Variants in NECTIN1 observed in about 807,000 individuals in gnomAD.
The protein encoded by NECTIN1 is nectin-1.
In NECTIN1, 23 loss-of-function variants were observed where a neutral mutation model predicts 48.0. The ratio of observed to expected loss-of-function variants is 0.48; its 90% CI spans 0.34 to 0.68. NECTIN1 has a LOEUF of 0.68. NECTIN1 is among the 30% of genes least tolerant of loss of function. The probability of loss-of-function intolerance (pLI) is 0.01; values close to 1 mark genes in which losing one functional copy is unlikely to be tolerated. For missense variants in NECTIN1, 591 were observed against 709.9 expected (o/e 0.83, Z 1.90); for synonymous variants, 270 against 288.9 (o/e 0.93, Z 0.66).
At chr11:119,645,302 G>C (rs933757437) in intron 5 of NECTIN1, among the ~76,000 whole-genome samples, 14 of 152,192 alleles carry the variant, frequency 9.2e-5, no homozygotes, top group Non-Finnish European at 1.5e-5. Context: ...AAGGGCTGGA[G>C]GCAAGTCTTC....
At chr11:119,646,369 A>G (rs1209403663) in intron 5 of NECTIN1, among the ~76,000 whole-genome samples, 1 of 152,104 alleles carries the variant, frequency 6.6e-6, no homozygotes, top group East Asian at 1.9e-4. Context: ...CGTGGTTGCT[A>G]TTTTTGTTAT....
chr11:119,647,628 A>G (rs886951239), intron 5 of NECTIN1, among the ~76,000 whole-genome samples: 2 of 151,828 alleles, frequency 1.3e-5, no homozygotes, highest in Non-Finnish European at 2.9e-5. Flanking sequence ...TGCTTCTCAC[A>G]AAGATCTTCC....
At chr11:119,646,883 G>T (rs1039266245) in intron 5 of NECTIN1, among the ~76,000 whole-genome samples, 1 of 152,236 alleles carries the variant, frequency 6.6e-6, no homozygotes, top group Non-Finnish European at 1.5e-5. Flanking sequence ...ACTGTTGTCG[G>T]CCATGAGTGA....
chr11:119,711,847 G>A (rs1865653552), intron 1 of NECTIN1, among the ~76,000 whole-genome samples: 1 of 152,220 alleles, frequency 6.6e-6, no homozygotes. Flanking sequence ...CTCAACTGGG[G>A]TGCTCTTGTC....
Position 119,663,602 on chromosome 11 carries a change from T to C in NECTIN1, c.*1145A>G. The stretch of plus-strand genomic sequence containing the variant: ...TTGCAGAGCTTCTGCCATGTGGGCT[T>C]CCTTCCCCACTACCCTCCGTGTGGA... On this transcript the variant is annotated 3_prime_UTR_variant, in exon 6 of 6. Coordinates refer to ENST00000264025, the MANE Select transcript of NECTIN1 (RefSeq NM_002855.5). 1.0e-6 allele frequency: 1 copy of C among 985,652 alleles called. No individual in the cohort carries two copies. The allele number at this position is 985,652 out of a possible 1,614,324, so 61.1% of individuals were successfully genotyped here.
At chr11:119,640,063 C>G (rs1478124842) in intron 5 of NECTIN1, 8 of 1,526,530 alleles carry the variant, frequency 5.2e-6, no homozygotes, top group Non-Finnish European at 7.1e-6. Context: ...TCAAGTGACC[C>G]AAAGAGAGTC....
rs60405761 is a variant in NECTIN1 at position 119,663,608 on chromosome 11, C to T, written c.*1139G>A. ...AGCTTCTGCCATGTGGGCTTCCTTC[C>T]CCACTACCCTCCGTGTGGATGCTTC... On this transcript the variant is annotated 3_prime_UTR_variant, in exon 6 of 6. Transcript: ENST00000264025. 2,896 of 985,654 alleles carry T rather than the reference C, an allele frequency of 2.9e-3. 35 individuals carry two copies. In the East Asian group the frequency reaches 0.042, roughly 14 times the overall value. The allele number at this position is 985,654 out of a possible 1,614,324, so 61.1% of individuals were successfully genotyped here.
intron 1 of NECTIN1, among the ~76,000 whole-genome samples, chr11:119,701,043 G>C (rs918283204): frequency 1.3e-5 from 2 of 152,120 alleles, no homozygotes; most frequent in East Asian, 3.9e-4. Flanking sequence ...TGGGGGTACG[G>C]GTGTGTGCTC....
At chr11:119,705,906 T>G (rs1865541011) in intron 1 of NECTIN1, among the ~76,000 whole-genome samples, 1 of 151,794 alleles carries the variant, frequency 6.6e-6, no homozygotes, top group Non-Finnish European at 1.5e-5. Context: ...GGCAGCCCAC[T>G]CCTTCTCCCT....
At position 119,664,172 on chromosome 11, in the gene NECTIN1, C is replaced by A. The variant is rs2135541809; in HGVS notation, c.*575G>T. 1 of 986,510 alleles carries A rather than the reference C, an allele frequency of 1.0e-6. No individual in the cohort carries two copies. The allele number at this position is 986,510 out of a possible 1,614,324, so 61.1% of individuals were successfully genotyped here. ...CTTAACAAACAAGACTCCCTGGGAA[C>A]TGGGGAGAAGCCGCACCCCTCCCCC... On this transcript the variant is annotated 3_prime_UTR_variant, in exon 6 of 6. Coordinates refer to ENST00000264025, the MANE Select transcript of NECTIN1 (RefSeq NM_002855.5).
rs895496180 is a variant in NECTIN1, at chr11:119,664,522, C to T, written c.*225G>A. On this transcript the variant is annotated 3_prime_UTR_variant, in exon 6 of 6. Transcript: ENST00000264025. ...GATACAGTAACACTAAAGCCACAGTCGAACACAACACCATGGGGAAGGGCG... is the reference window on the plus strand; with the variant it reads ...GATACAGTAACACTAAAGCCACAGTTGAACACAACACCATGGGGAAGGGCG... The T allele has an allele frequency of 2.8e-5, 39 of 1,413,900 alleles. No homozygotes were observed. The highest frequency in any genetic ancestry group is 2.4e-4 in the South Asian group (15 of 63,254). The allele number at this position is 1,413,900 out of a possible 1,614,324, so 87.6% of individuals were successfully genotyped here.
At chr11:119,714,671 CA>C (rs1481288921) in intron 1 of NECTIN1, among the ~76,000 whole-genome samples, 1 of 149,340 alleles carries the variant, frequency 6.7e-6, no homozygotes, top group African/African-American at 2.4e-5. Flanking sequence ...TCCCCATCGC[CA>C]ACTTAATTCC....
At position 119,663,905 on chromosome 11, in the gene NECTIN1, G is replaced by T; in HGVS notation, c.*842C>A. 1.0e-6 allele frequency: 1 copy of T among 986,910 alleles called. No homozygotes were observed. The highest frequency in any genetic ancestry group is 1.2e-6 in the Non-Finnish European group (1 of 831,086). 61.1% of individuals were successfully genotyped at this position (986,910 alleles called of 1,614,324 possible). ...TTGGGCAGTGTCTGGATGGGGCAGG[G>T]CATGGGACTCCAGGGGAAAGCAGGC... On this transcript the variant is annotated 3_prime_UTR_variant, in exon 6 of 6. Coordinates refer to ENST00000264025, the MANE Select transcript of NECTIN1 (RefSeq NM_002855.5).
intron 6 of NECTIN1, among the ~76,000 whole-genome samples, chr11:119,639,054 T>G (rs952123114): frequency 3.9e-5 from 6 of 152,078 alleles, no homozygotes; most frequent in Non-Finnish European, 8.8e-5. Context: ...CAGCTTGGGA[T>G]GGGAACCATG....
intron 4 of NECTIN1, 61 bp from the exon 5 acceptor site, chr11:119,675,371 T>C: frequency 6.2e-7 from 1 of 1,605,442 alleles, no homozygotes; most frequent in Non-Finnish European, 8.5e-7. Context: ...AAGCTGTTCC[T>C]GGGTCACCCA....
intron 1 of NECTIN1, among the ~76,000 whole-genome samples, chr11:119,726,279 A>C (rs1346793457): frequency 1.3e-5 from 2 of 152,074 alleles, no homozygotes; most frequent in Non-Finnish European, 2.9e-5. Flanking sequence ...GTGGGCTTGC[A>C]ACTTCTGGGC....
intron 5 of NECTIN1, chr11:119,674,285 A>C: frequency 8.2e-7 from 1 of 1,225,154 alleles, no homozygotes; most frequent in Non-Finnish European, 1.0e-6. Flanking sequence ...GCTCAGGTCC[A>C]CTGTAAAAGA....
exon 6 of NECTIN1, chr11:119,639,901 C>A: frequency 6.2e-7 from 1 of 1,614,150 alleles, no homozygotes. Context: ...CTTCTGCTGC[C>A]GGTTGTACAG....
intron 1 of NECTIN1, among the ~76,000 whole-genome samples, chr11:119,681,478 A>T (rs940510422): frequency 1.3e-5 from 2 of 152,194 alleles, no homozygotes; most frequent in African/African-American, 4.8e-5. Context: ...GGAGGCAGGC[A>T]GGGCACAGTC....
Sources: gnomAD v4.1 joint callset for allele counts (sites outside exome capture counted in the v4.1 genomes callset) on GRCh38, gnomAD v4.1.1 for gene constraint, MANE v1.5 for transcripts, NCBI Gene and HGNC (gene_info 2026-07-23, HGNC 2026-07-21) for gene names.